The following POU2F1 variants were observed in gnomAD, a reference collection of about 807,000 sequenced individuals.
POU2F1 encodes POU class 2 homeobox 1, also known as POU domain, class 2, transcription factor 1.
A neutral mutation model predicts 84.9 loss-of-function variants in POU2F1; 16 were observed. The observed-to-expected ratio is 0.19, with a 90% CI of 0.13 to 0.29. The LOEUF (loss-of-function observed/expected upper bound fraction) is 0.29. POU2F1 is among the 10% of genes least tolerant of loss of function. The probability of loss-of-function intolerance (pLI) is 1.00; values close to 1 mark genes in which losing one functional copy is unlikely to be tolerated. For synonymous variants in POU2F1, 368 were observed against 368.3 expected, an observed-to-expected ratio of 1.00 and a Z score of 0.01; for missense variants, 738 against 942.6, an observed-to-expected ratio of 0.78 and a Z score of 2.84.
chr1:167,356,103 T>C (rs190402145), intron 2 of POU2F1, among the ~76,000 whole-genome samples: 67 of 151,698 alleles, frequency 4.4e-4, no homozygotes, highest in Non-Finnish European at 6.3e-4. Context: ...GGGACTATAC[T>C]GTTACTAAGT....
intron 1 of POU2F1, among the ~76,000 whole-genome samples, chr1:167,225,754 T>C (rs534476338): frequency 5.4e-4 from 83 of 152,372 alleles, no homozygotes; most frequent in African/African-American, 1.9e-3. Context: ...CTCATTTTCA[T>C]GAATGTTTCC....
At chr1:167,264,254 G>A (rs1417905452) in intron 1 of POU2F1, among the ~76,000 whole-genome samples, 2 of 151,864 alleles carry the variant, frequency 1.3e-5, no homozygotes, top group African/African-American at 4.8e-5. Context: ...GTGATTAAGA[G>A]GAAATGAATT....
rs553739052 is a variant in POU2F1, at chr1:167,353,045, G to A, written c.128-12422G>A. On this transcript the variant is annotated intron_variant, in intron 2 of 15. Coordinates refer to ENST00000367866, the MANE Select transcript of POU2F1 (RefSeq NM_002697.4). ...TTGCCTATTTGATCCTTGACTGCTG[G>A]CTATGAAGAGAAAAACAGAACTTTC... is the stretch of plus-strand genomic sequence containing the variant. Among the ~76,000 whole-genome samples the A allele has an allele frequency of 7.2e-5, 11 of 152,254 alleles. No homozygotes were observed. In the South Asian group the frequency reaches 2.3e-3, roughly 32 times the overall value.
At chr1:167,414,826 A>C (rs1005465799) in intron 15 of POU2F1, 1 of 754,350 alleles carries the variant, frequency 1.3e-6, no homozygotes, top group African/African-American at 1.9e-5. Context: ...GGTGATACAT[A>C]ATTTATTTTA....
At chr1:167,402,460 A>G (rs997402540) in intron 13 of POU2F1, among the ~76,000 whole-genome samples, 3 of 152,072 alleles carry the variant, frequency 2.0e-5, no homozygotes, top group African/African-American at 4.8e-5. Context: ...CATTTTGTTT[A>G]TTGTTTTCTG....
intron 4 of POU2F1, 143 bp downstream of exon 4, chr1:167,370,357 T>C: frequency 1.5e-6 from 1 of 675,204 alleles, no homozygotes; most frequent in Non-Finnish European, 2.3e-6. Flanking sequence ...ATTCAAATAA[T>C]GATAATTATT....
intron 1 of POU2F1, among the ~76,000 whole-genome samples, chr1:167,230,425 TG>T (rs1314038404): frequency 1.3e-5 from 2 of 152,154 alleles, no homozygotes; most frequent in Non-Finnish European, 2.9e-5. Context: ...TAAAAGCCTT[TG>T]GTGTTCTTTT....
At chr1:167,333,348 A>G (rs1427359915) in intron 2 of POU2F1, among the ~76,000 whole-genome samples, 1 of 152,188 alleles carries the variant, frequency 6.6e-6, no homozygotes, top group Non-Finnish European at 1.5e-5. Flanking sequence ...AAAGGTATAA[A>G]TCAAAATATG....
At chr1:167,296,887 TA>T (rs1023357532) in intron 1 of POU2F1, among the ~76,000 whole-genome samples, 1 of 152,190 alleles carries the variant, frequency 6.6e-6, no homozygotes, top group Non-Finnish European at 1.5e-5. Flanking sequence ...GGCTGATTTT[TA>T]AAAATTATAG....
At chr1:167,300,405 C>T (rs1654604844) in intron 1 of POU2F1, among the ~76,000 whole-genome samples, 2 of 152,104 alleles carry the variant, frequency 1.3e-5, no homozygotes, top group South Asian at 2.1e-4. Context: ...CATATGTACC[C>T]TCTGAATCTA....
intron 10 of POU2F1, among the ~76,000 whole-genome samples, chr1:167,397,538 T>C (rs575635695): frequency 3.9e-4 from 60 of 152,082 alleles, no homozygotes; most frequent in African/African-American, 8.7e-4. Context: ...TATATATATA[T>C]TGGGGGGATG....
intron 2 of POU2F1, among the ~76,000 whole-genome samples, chr1:167,340,055 C>T (rs1429996565): frequency 6.6e-6 from 1 of 152,078 alleles, no homozygotes; most frequent in Non-Finnish European, 1.5e-5. Flanking sequence ...TGATGAAGGT[C>T]ACACAGATAG....
intron 2 of POU2F1, among the ~76,000 whole-genome samples, chr1:167,339,816 A>T (rs964688214): frequency 1.3e-5 from 2 of 152,246 alleles, no homozygotes; most frequent in Non-Finnish European, 2.9e-5. Flanking sequence ...AAATTAATTT[A>T]CTATAAAGTA....
chr1:167,400,167 A>G (rs944113116), intron 12 of POU2F1, among the ~76,000 whole-genome samples: 7 of 148,694 alleles, frequency 4.7e-5, no homozygotes, highest in Admixed American at 4.7e-4. Flanking sequence ...TTGTATTTTT[A>G]GTTGAGACCA....
intron 1 of POU2F1, among the ~76,000 whole-genome samples, chr1:167,224,184 A>C (rs1357150309): frequency 6.6e-6 from 1 of 152,210 alleles, no homozygotes; most frequent in African/African-American, 2.4e-5. Flanking sequence ...CATTTCCTCA[A>C]AATTCTCAAA....
chr1:167,287,846 C>T (rs978836917), intron 1 of POU2F1, among the ~76,000 whole-genome samples: 28 of 151,848 alleles, frequency 1.8e-4, no homozygotes, highest in Non-Finnish European at 1.6e-4. Context: ...GACACATTAT[C>T]GTGAAAATGC....
At chr1:167,251,897 T>G (rs950027218) in intron 1 of POU2F1, among the ~76,000 whole-genome samples, 1 of 150,646 alleles carries the variant, frequency 6.6e-6, no homozygotes, top group Non-Finnish European at 1.5e-5. Context: ...CAGGCTGGAG[T>G]GCAGTGGCAC....
intron 1 of POU2F1, among the ~76,000 whole-genome samples, chr1:167,273,756 C>T (rs897662665): frequency 6.6e-6 from 1 of 152,194 alleles, no homozygotes; most frequent in Non-Finnish European, 1.5e-5. Flanking sequence ...GCTAGGATAA[C>T]CACGTTATGA....
At chr1:167,355,522 C>G (rs1658878714) in intron 2 of POU2F1, among the ~76,000 whole-genome samples, 2 of 152,122 alleles carry the variant, frequency 1.3e-5, no homozygotes, top group African/African-American at 4.8e-5. Flanking sequence ...AGTTCTACCC[C>G]TCTGCTCCAA....
Sources: allele counts gnomAD v4.1 joint callset (sites outside exome capture counted in the v4.1 genomes callset), GRCh38; gene constraint gnomAD v4.1.1; transcripts MANE v1.5; gene names NCBI Gene and HGNC (gene_info 2026-07-23, HGNC 2026-07-21).